PARD3B: variants seen among roughly 807,000 people sequenced by gnomAD.
The protein encoded by PARD3B is par-3 family cell polarity regulator beta, also known as partitioning defective 3 homolog B.
Under a neutral mutation model 130.2 loss-of-function variants are expected in PARD3B, and 103 were observed. The ratio of observed to expected loss-of-function variants is 0.79; its 90% CI spans 0.67 to 0.93. The LOEUF is 0.93. Among genes scored for constraint, PARD3B ranks in the 40% least tolerant of loss-of-function variants. The pLI is 0.00. For synonymous variants in PARD3B, 583 were observed against 553.2 expected (o/e 1.05, Z -0.76); for missense variants, 1,609 against 1,499.2 (o/e 1.07, Z -1.21).
At chr2:204,946,814 C>G (rs1689365511) in intron 2 of PARD3B, among the ~76,000 whole-genome samples, 5 of 152,196 alleles carry the variant, frequency 3.3e-5, no homozygotes, top group African/African-American at 1.2e-4. Flanking sequence ...ACCAGGAGAT[C>G]TGACATTGTA....
chr2:204,842,411 G>GT (rs1469481381), intron 2 of PARD3B, among the ~76,000 whole-genome samples: 1 of 151,988 alleles, frequency 6.6e-6, no homozygotes, highest in Non-Finnish European at 1.5e-5. Flanking sequence ...GAATAATATT[G>GT]TTTTTTTCAA....
intron 21 of PARD3B, among the ~76,000 whole-genome samples, chr2:205,531,745 GGGA>G (rs1339782033): frequency 6.6e-6 from 1 of 152,006 alleles, no homozygotes; most frequent in Non-Finnish European, 1.5e-5. Flanking sequence ...CAAAGAGAGA[GGGA>G]GGAGATTAGG....
intron 20 of PARD3B, among the ~76,000 whole-genome samples, chr2:205,459,569 T>G (rs1007701215): frequency 9.2e-5 from 14 of 152,208 alleles, no homozygotes; most frequent in African/African-American, 3.4e-4. Context: ...TTGGAAACAC[T>G]GAAAAGGTTA....
At chr2:204,888,522 A>T (rs977246497) in intron 2 of PARD3B, among the ~76,000 whole-genome samples, 2 of 152,168 alleles carry the variant, frequency 1.3e-5, no homozygotes, top group Non-Finnish European at 2.9e-5. Context: ...TCTTGAGCTC[A>T]GGAATTTGAG....
chr2:205,393,726 G>A (rs1159587397), intron 18 of PARD3B, among the ~76,000 whole-genome samples: 3 of 152,194 alleles, frequency 2.0e-5, no homozygotes, highest in African/African-American at 7.2e-5. Flanking sequence ...ACTGCCCAGT[G>A]TGATGTGGGA....
rs143625280 is a variant in PARD3B at position 204,910,686 on chromosome 2, C to T, written c.223-54466C>T. On this transcript the variant is annotated intron_variant, in intron 2 of 22. Transcript: ENST00000406610. ...ATGGAGTCTCCCTCTGTAGCCTAGG[C>T]TGGAGTGCAGCGGCGTGATCTCGGC... 6.9e-3 allele frequency among the ~76,000 whole-genome samples: 1,047 copies of T among 152,290 alleles called. 41 individuals carry two copies. The East Asian group carries it at 0.12, about 17-fold the overall frequency.
chr2:205,112,173 A>G (rs1703691960), intron 5 of PARD3B, among the ~76,000 whole-genome samples: 1 of 152,054 alleles, frequency 6.6e-6, no homozygotes, highest in African/African-American at 2.4e-5. Context: ...TTTTATATAT[A>G]TCAGCAATAT....
chr2:205,492,687 C>T (rs1303266603), intron 20 of PARD3B, among the ~76,000 whole-genome samples: 1 of 151,866 alleles, frequency 6.6e-6, no homozygotes, highest in East Asian at 1.9e-4. Flanking sequence ...AAATGGGAAA[C>T]GGGGAAAATA....
At chr2:204,931,884 A>G (rs2125778814) in intron 2 of PARD3B, among the ~76,000 whole-genome samples, 1 of 152,228 alleles carries the variant, frequency 6.6e-6, no homozygotes, top group African/African-American at 2.4e-5. Context: ...TGAGCATGTG[A>G]ATCAGTCTCA....
chr2:205,471,415 G>T (rs1187041996), intron 20 of PARD3B, among the ~76,000 whole-genome samples: 6 of 133,196 alleles, frequency 4.5e-5, no homozygotes, highest in African/African-American at 1.7e-4. Context: ...AGGCTATAGT[G>T]CAGTGGCGCA....
At chr2:204,922,601 T>A (rs1376730059) in intron 2 of PARD3B, among the ~76,000 whole-genome samples, 5 of 152,084 alleles carry the variant, frequency 3.3e-5, no homozygotes, top group Non-Finnish European at 7.4e-5. Context: ...TCACAACTCT[T>A]TGAAAGAAAT....
intron 10 of PARD3B, among the ~76,000 whole-genome samples, chr2:205,143,817 A>G (rs2033155108): frequency 6.6e-6 from 1 of 152,160 alleles, no homozygotes; most frequent in African/African-American, 2.4e-5. Flanking sequence ...ACAAACCAAG[A>G]TGCTACTCTG....
In PARD3B at chr2:205,538,237, G is replaced by A. The variant is rs201962790; in HGVS notation, c.3181-15087G>A. ...ACTGAAGGCTCTCAGAAAATAAAAA[G>A]AGAATAGTTCTGTCTGACAGGCTTC... On this transcript the variant is annotated intron_variant, in intron 21 of 22. Transcript: ENST00000406610. 9.2e-5 allele frequency among the ~76,000 whole-genome samples: 14 copies of A among 152,290 alleles called. No homozygotes were observed. The East Asian group carries it at 2.7e-3, about 29-fold the overall frequency.
At chr2:205,004,152 T>C (rs376633117) in intron 3 of PARD3B, among the ~76,000 whole-genome samples, 1 of 152,200 alleles carries the variant, frequency 6.6e-6, no homozygotes, top group South Asian at 2.1e-4. Flanking sequence ...GGGGTATCAC[T>C]ATACTGCTTC....
rs2048453690 is a variant in PARD3B at position 205,461,507 on chromosome 2, G to T, written c.3044+20835G>T. Among the ~76,000 whole-genome samples the T allele has an allele frequency of 3.9e-5, 6 of 152,232 alleles. No individual in the cohort carries two copies. The highest frequency in any genetic ancestry group is 8.8e-5 in the Non-Finnish European group (6 of 68,010). On this transcript the variant is annotated intron_variant, in intron 20 of 22. Coordinates refer to ENST00000406610, the MANE Select transcript of PARD3B (RefSeq NM_001302769.2). The surrounding 1 kb of genome is among the most constrained non-coding windows in gnomAD (Gnocchi z 4.3). ...AGCACCACATTTCAGCTTACCCATG[G>T]TTCTCCAGCTGTCCAGGGACATGCA... is the stretch of plus-strand genomic sequence containing the variant.
intron 18 of PARD3B, among the ~76,000 whole-genome samples, chr2:205,384,772 T>C (rs1447333755): frequency 1.3e-5 from 2 of 152,104 alleles, no homozygotes; most frequent in East Asian, 3.9e-4. Context: ...ACACATTTCC[T>C]GGGAGAGAGA....
At chr2:205,455,860 T>G (rs1279050543) in intron 20 of PARD3B, among the ~76,000 whole-genome samples, 1 of 152,016 alleles carries the variant, frequency 6.6e-6, no homozygotes, top group Non-Finnish European at 1.5e-5. Flanking sequence ...CACAGGTAGA[T>G]CCACGTAACC....
At chr2:205,025,268 C>G (rs930116461) in intron 3 of PARD3B, among the ~76,000 whole-genome samples, 2 of 152,130 alleles carry the variant, frequency 1.3e-5, no homozygotes, top group Admixed American at 6.5e-5. Flanking sequence ...GCTTGTGACT[C>G]ATAATCAGGG....
intron 20 of PARD3B, among the ~76,000 whole-genome samples, chr2:205,499,170 C>T (rs991594066): frequency 4.6e-5 from 7 of 152,052 alleles, no homozygotes; most frequent in African/African-American, 1.7e-4. Flanking sequence ...CTAATCTAAG[C>T]TACAAGGGAG....
Sources: allele counts gnomAD v4.1 joint callset (sites outside exome capture counted in the v4.1 genomes callset), GRCh38; gene constraint gnomAD v4.1.1; non-coding constraint Gnocchi (gnomAD v3.1); transcripts MANE v1.5; gene names NCBI Gene and HGNC (gene_info 2026-07-23, HGNC 2026-07-21).